Variants in PCDH15 observed in about 807,000 individuals in gnomAD.
PCDH15 encodes the protein protocadherin related 15, also known as protocadherin-15.
In PCDH15, 129 loss-of-function variants were observed where a neutral mutation model predicts 178.5. The observed-to-expected ratio is 0.72, with a 90% CI of 0.63 to 0.84. The LOEUF is 0.84. Ranked by LOEUF, PCDH15 falls within the 40% of genes least tolerant of loss-of-function variation. PCDH15 has a pLI of 0.00. For synonymous variants in PCDH15, 800 were observed against 732.0 expected (o/e 1.09, Z -1.50); for missense variants, 2,230 against 2,099.9 (o/e 1.06, Z -1.21).
At chr10:54,283,509 T>A (rs1433535665) in intron 8 of PCDH15, among the ~76,000 whole-genome samples, 1 of 152,116 alleles carries the variant, frequency 6.6e-6, no homozygotes, top group East Asian at 1.9e-4. Flanking sequence ...ATTTTAAAAC[T>A]ATTCTCTGGG....
intron 2 of PCDH15, among the ~76,000 whole-genome samples, chr10:54,945,345 GATAGATGATAGATAGATAT>G (rs1214590914): frequency 2.1e-5 from 2 of 97,506 alleles, no homozygotes; most frequent in African/African-American, 3.2e-5. Context: ...TAGATAGATA[GATAGATGATAGATAGATAT>G]ATAGATAGAT....
At position 53,806,971 on chromosome 10, in the gene PCDH15, C is replaced by T; in HGVS notation, c.4831G>A (p.Val1611Met). 5.6e-6 allele frequency: 9 copies of T among 1,613,774 alleles called. No homozygotes were observed. Among genetic ancestry groups the T allele is most frequent in the Non-Finnish European group, 7.6e-6 (9 of 1,179,822 alleles). Residue 1611 changes from valine to methionine, a missense_variant, in exon 38 of 38, where the codon GTG becomes ATG. Physicochemically the swap from Val to Met is conservative, Grantham distance 21 (BLOSUM62 1). Coordinates refer to ENST00000644397, the MANE Select transcript of PCDH15 (RefSeq NM_001384140.1). ...GNIYIAQNGS[V>M]VRTRRACLTD... The stretch of plus-strand genomic sequence containing the variant: ...AGGCAGGCACGGCGGGTTCTCACCA[C>T]AGAACCATTCTGTGCAATATATATA...
At chr10:54,013,574 G>A (rs60408991) in intron 20 of PCDH15, among the ~76,000 whole-genome samples, 10,791 of 152,074 alleles carry the variant, frequency 0.071, 1,040 homozygotes, top group African/African-American at 0.22. Flanking sequence ...TGAACATGGT[G>A]CAATAAAAAC....
chr10:54,696,559 T>G (rs1256589188), intron 1 of PCDH15, among the ~76,000 whole-genome samples: 2 of 152,092 alleles, frequency 1.3e-5, no homozygotes, highest in African/African-American at 4.8e-5. Context: ...GGTTAAATGC[T>G]ATCAAACAGC....
At chr10:55,165,428 A>G (rs1309698303) in intron 2 of PCDH15, among the ~76,000 whole-genome samples, 3 of 151,950 alleles carry the variant, frequency 2.0e-5, no homozygotes, top group South Asian at 4.1e-4. Flanking sequence ...TGAGCATATT[A>G]TTTAAAATAT....
intron 10 of PCDH15, among the ~76,000 whole-genome samples, chr10:54,201,382 A>G (rs1269816473): frequency 1.3e-5 from 2 of 152,012 alleles, no homozygotes; most frequent in Non-Finnish European, 2.9e-5. Context: ...AATTTGGATA[A>G]TATTATAAAT....
chr10:54,632,929 G>A (rs917330016), intron 2 of PCDH15, among the ~76,000 whole-genome samples: 2 of 152,046 alleles, frequency 1.3e-5, no homozygotes, highest in Admixed American at 6.6e-5. Context: ...AACAAGGATA[G>A]GTAAGAGACA....
intron 25 of PCDH15, chr10:53,906,791 C>A (rs1168951735): frequency 8.1e-6 from 1 of 123,518 alleles, no homozygotes; most frequent in Non-Finnish European, 1.6e-5. Flanking sequence ...TTACCCCACC[C>A]CTTATTCCTC....
intron 2 of PCDH15, among the ~76,000 whole-genome samples, chr10:55,082,735 C>A (rs1283072946): frequency 1.3e-5 from 2 of 151,754 alleles, no homozygotes; most frequent in African/African-American, 2.4e-5. Flanking sequence ...TATAACTGAT[C>A]TGGCAGAAAT....
intron 3 of PCDH15, among the ~76,000 whole-genome samples, chr10:54,844,075 A>C (rs1387058107): frequency 6.6e-6 from 1 of 152,036 alleles, no homozygotes; most frequent in African/African-American, 2.4e-5. Context: ...GCATGATTTA[A>C]AAGAGGTAAA....
At chr10:54,755,722 C>A (rs1946990928) in intron 1 of PCDH15, among the ~76,000 whole-genome samples, 1 of 151,936 alleles carries the variant, frequency 6.6e-6, no homozygotes, top group Non-Finnish European at 1.5e-5. Context: ...CATTTTAAAT[C>A]AGTTAAATTA....
intron 23 of PCDH15, among the ~76,000 whole-genome samples, chr10:53,950,757 G>T (rs1422698693): frequency 6.6e-6 from 1 of 152,130 alleles, no homozygotes; most frequent in Non-Finnish European, 1.5e-5. Context: ...AGTAGTATGT[G>T]TTTGAACTAC....
chr10:54,495,654 C>T (rs1176984031), intron 3 of PCDH15, among the ~76,000 whole-genome samples: 6 of 152,056 alleles, frequency 3.9e-5, no homozygotes, highest in Non-Finnish European at 1.5e-5. Context: ...TTATTCATCT[C>T]ATATTTAAAC....
intron 2 of PCDH15, among the ~76,000 whole-genome samples, chr10:55,332,124 TA>T: frequency 6.6e-6 from 1 of 152,284 alleles, no homozygotes; most frequent in Non-Finnish European, 1.5e-5. Context: ...CAATATGGTT[TA>T]TTAGGATACT....
intron 2 of PCDH15, among the ~76,000 whole-genome samples, chr10:54,640,053 G>T (rs1426208493): frequency 6.6e-6 from 1 of 152,004 alleles, no homozygotes; most frequent in South Asian, 2.1e-4. Context: ...CCTGTGAATA[G>T]CACTGCACTC....
At chr10:54,184,982 T>G in intron 12 of PCDH15, 152 bp downstream of exon 12, 1 of 878,146 alleles carries the variant, frequency 1.1e-6, no homozygotes, top group Non-Finnish European at 1.8e-6. Flanking sequence ...AAATAATTTT[T>G]CATTGATCTT....
At chr10:53,927,897 A>G (rs1217598348) in intron 25 of PCDH15, among the ~76,000 whole-genome samples, 1 of 152,048 alleles carries the variant, frequency 6.6e-6, no homozygotes, top group Non-Finnish European at 1.5e-5. Context: ...AGGGACAATG[A>G]ATGATTAAGC....
chr10:55,528,038 T>A (rs556990724), intron 2 of PCDH15, among the ~76,000 whole-genome samples: 7 of 151,196 alleles, frequency 4.6e-5, no homozygotes, highest in Non-Finnish European at 7.4e-5. Context: ...TTTACAAAAA[T>A]TTTTTTTTAA....
At chr10:55,150,009 G>T (rs922253339) in intron 2 of PCDH15, among the ~76,000 whole-genome samples, 1 of 149,248 alleles carries the variant, frequency 6.7e-6, no homozygotes, top group African/African-American at 2.5e-5. Flanking sequence ...CAGAGACAGC[G>T]AGAGTGAGCA....
Sources: gnomAD v4.1 joint callset for allele counts (sites outside exome capture counted in the v4.1 genomes callset) on GRCh38, gnomAD v4.1.1 for gene constraint, MANE v1.5 for transcripts, NCBI Gene and HGNC (gene_info 2026-07-23, HGNC 2026-07-21) for gene names.